Variants in IQCH observed in about 807,000 individuals in gnomAD.
IQCH encodes the protein IQ domain-containing protein H.
Under a neutral mutation model 117.0 loss-of-function variants are expected in IQCH, and 98 were observed. The observed-to-expected ratio is 0.84, with a 90% CI of 0.71 to 0.99. The LOEUF is 0.99. Ranked by LOEUF, IQCH falls within the 50% of genes least tolerant of loss-of-function variation. IQCH has a pLI of 0.00. For synonymous variants in IQCH, 412 were observed against 448.2 expected (o/e 0.92, Z 1.02); for missense variants, 1,102 against 1,243.8 (o/e 0.89, Z 1.72).
intron 4 of IQCH, among the ~76,000 whole-genome samples, chr15:67,311,853 G>A (rs186915262): frequency 6.6e-6 from 1 of 151,876 alleles, no homozygotes; most frequent in Non-Finnish European, 1.5e-5. Context: ...GAGCAAATCC[G>A]CTACTTAATT....
At position 67,261,261 on chromosome 15, in the gene IQCH, TA is replaced by T; in HGVS notation, c.52-10del. The T allele has an allele frequency of 6.7e-7, 1 of 1,499,814 alleles. No homozygotes were observed. The highest frequency in any genetic ancestry group is 1.3e-5 in the South Asian group (1 of 79,224). The allele number at this position is 1,499,814 out of a possible 1,614,324, so 92.9% of individuals were successfully genotyped here. A position where few individuals can be genotyped will look rare whatever the true frequency, so the allele number is the denominator to read the frequency against. On this transcript the variant is annotated splice_polypyrimidine_tract_variant and intron_variant, in intron 1 of 20. Coordinates refer to ENST00000335894, the MANE Select transcript of IQCH (RefSeq NM_001031715.3). ...GATTATTTCAATATTTTTCATTTTT[TA>T]TACCTATAGATCCATGAAGACCTTT...
At chr15:67,409,617 A>T (rs2081392224) in intron 14 of IQCH, among the ~76,000 whole-genome samples, 1 of 152,240 alleles carries the variant, frequency 6.6e-6, no homozygotes, top group East Asian at 1.9e-4. Flanking sequence ...CTACATAAGT[A>T]TGGAATTATA....
chr15:67,255,695 C>G (rs182687560), intron 1 of IQCH, among the ~76,000 whole-genome samples: 10 of 152,328 alleles, frequency 6.6e-5, no homozygotes, highest in East Asian at 3.9e-4. Flanking sequence ...TAAGGTCACT[C>G]TGTCAGGACT....
chr15:67,487,072 C>A (rs1044017427), intron 18 of IQCH, among the ~76,000 whole-genome samples: 2 of 152,234 alleles, frequency 1.3e-5, no homozygotes, highest in African/African-American at 4.8e-5. Flanking sequence ...GTGGCTCACG[C>A]CTGTAATCCC....
Position 67,465,076 on chromosome 15 carries a change from G to A in IQCH, c.2506-51G>A, listed in dbSNP as rs746702749. 3.0e-5 allele frequency: 48 copies of A among 1,586,830 alleles called. No homozygotes were observed. The highest frequency in any genetic ancestry group is 3.4e-5 in the Non-Finnish European group (40 of 1,161,996). On this transcript the variant is annotated intron_variant, in intron 16 of 20. Transcript: ENST00000335894. This position sits in a 1 kb window ranked among gnomAD's most constrained non-coding sequence, Gnocchi z 5.9. ...CTGGTTAGGCAGAGGTGGGGCCTTC[G>A]CTGCTGTTTGCTGATTTCACCCTCA...
intron 4 of IQCH, chr15:67,281,681 A>G (rs764674286): frequency 2.2e-6 from 1 of 454,212 alleles, no homozygotes; most frequent in South Asian, 1.6e-5. Flanking sequence ...GATTCTCTAC[A>G]GAAGCAAAAT....
intron 10 of IQCH, among the ~76,000 whole-genome samples, chr15:67,380,443 C>T (rs915229358): frequency 1.3e-5 from 2 of 152,124 alleles, no homozygotes; most frequent in South Asian, 2.1e-4. Flanking sequence ...TATAAATAAC[C>T]CAGATAGAGC....
chr15:67,261,386 G>C lies in IQCH; in HGVS notation c.166G>C (p.Gly56Arg), dbSNP rs1181504435. ...AACAGCAATCAAAAGGACTGAAGTG[G>C]GGTTAAGAGTAAGTAGAGCTTTAGA... ...LETAIKRTEV[G>R]LRIHIEKYLN... Residue 56 changes from glycine to arginine, a missense_variant, in exon 2 of 21, where the codon GGG (glycine) becomes CGG (arginine). Gly to Arg is a moderately radical substitution (Grantham distance 125). Around this residue, in one of 2 missense-constraint regions of IQCH, gnomAD observed 452 missense variants for 449.6 expected, o/e 1.01. Transcript: ENST00000335894. 6 of 1,586,628 alleles carry C rather than the reference G, an allele frequency of 3.8e-6. No homozygotes were observed. The highest frequency in any genetic ancestry group is 1.2e-5 in the South Asian group (1 of 85,584).
chr15:67,267,866 TA>T (rs1965740590), intron 3 of IQCH, among the ~76,000 whole-genome samples: 1 of 152,186 alleles, frequency 6.6e-6, no homozygotes, highest in Non-Finnish European at 1.5e-5. Context: ...TTAGAACAGA[TA>T]TGCAATAATG....
At chr15:67,332,182 C>T (rs1336314752) in intron 4 of IQCH, among the ~76,000 whole-genome samples, 3 of 152,042 alleles carry the variant, frequency 2.0e-5, no homozygotes, top group Non-Finnish European at 4.4e-5. Context: ...ACTGAGTCTA[C>T]AGGTAAAAAG....
rs746406442 is a variant in IQCH at position 67,365,799 on chromosome 15, G to A, written c.753+5914G>A. On this transcript the variant is annotated intron_variant, in intron 8 of 20. Transcript: ENST00000335894. This position sits in a 1 kb window ranked among gnomAD's most constrained non-coding sequence, Gnocchi z 4.4. ...ATAAAAGTTAGCCGGGTGTGGTGGCGCGTGCCTGTAATCCTGGCTGCTCAG... is the reference window on the plus strand; with the variant it reads ...ATAAAAGTTAGCCGGGTGTGGTGGCACGTGCCTGTAATCCTGGCTGCTCAG... 9.9e-5 allele frequency among the ~76,000 whole-genome samples: 15 copies of A among 152,234 alleles called. No individual in the cohort carries two copies. Among genetic ancestry groups the A allele is most frequent in the African/African-American group, 2.9e-4 (12 of 41,516 alleles).
Position 67,279,511 on chromosome 15 carries a change from A to C in IQCH, c.386A>C (p.Lys129Thr). ...TCTCTGCCTGTCTTTCCAAGAGCAA[A>C]GGTAGGTATAGAGAAATTCATAGAG... ...SSSLPVFPRA[K>T]IKVSKLIKGS... is the part of the protein sequence containing the mutation. The change falls in exon 4 of 21, where the codon AAG becomes ACG. Residue 129 changes from lysine (K) to threonine (T), a missense_variant and splice_region_variant. By Grantham distance (78) the Lys-to-Thr change is moderately conservative. Transcript: ENST00000335894. 1 of 1,556,986 alleles carries C rather than the reference A, an allele frequency of 6.4e-7. No homozygotes were observed. Among genetic ancestry groups the C allele is most frequent in the Non-Finnish European group, 8.8e-7 (1 of 1,135,774 alleles).
chr15:67,497,039 A>G (rs2083836099), intron 20 of IQCH, among the ~76,000 whole-genome samples: 1 of 151,460 alleles, frequency 6.6e-6, no homozygotes, highest in Admixed American at 6.6e-5. Flanking sequence ...AAAAAAAAAA[A>G]AAAAAAAAAG....
chr15:67,291,864 T>A (rs1966762798), intron 4 of IQCH, among the ~76,000 whole-genome samples: 1 of 152,222 alleles, frequency 6.6e-6, no homozygotes, highest in South Asian at 2.1e-4. Context: ...TTTGAAAATA[T>A]TTGTTTCCTT....
intron 4 of IQCH, among the ~76,000 whole-genome samples, chr15:67,289,432 G>A (rs1422092763): frequency 2.6e-5 from 4 of 152,032 alleles, no homozygotes; most frequent in African/African-American, 7.2e-5. Flanking sequence ...GAACTAACAC[G>A]ACTTGATCAT....
chr15:67,395,254 G>A lies in IQCH; in HGVS notation c.1633-37G>A, dbSNP rs1176032954. On this transcript the variant is annotated intron_variant, in intron 12 of 20. Transcript: ENST00000335894. This position sits in a 1 kb window ranked among gnomAD's most constrained non-coding sequence, Gnocchi z 4.0. ...ATTAGGTGTATGGACTAGAAAAAAG[G>A]ACACCTTTTAACAAGAATAATATGA... The A allele has an allele frequency of 1.9e-6, 3 of 1,586,712 alleles. No homozygotes were observed. The highest frequency in any genetic ancestry group is 2.3e-5 in the South Asian group (2 of 87,972).
rs2082955368 is a variant in IQCH at position 67,467,205 on chromosome 15, A to T, written c.2676+1908A>T. On this transcript the variant is annotated intron_variant, in intron 17 of 20. Coordinates refer to ENST00000335894, the MANE Select transcript of IQCH (RefSeq NM_001031715.3). The surrounding 1 kb of genome is among the most constrained non-coding windows in gnomAD (Gnocchi z 5.7). ...GCCATTGTACTCCAGCCTAGTTGAC[A>T]GAGTGAGACTCTGTCTCAAAAAATA... 1.3e-5 allele frequency among the ~76,000 whole-genome samples: 2 copies of T among 152,208 alleles called. No homozygotes were observed.
intron 4 of IQCH, among the ~76,000 whole-genome samples, chr15:67,329,157 G>T (rs1968545842): frequency 6.6e-6 from 1 of 152,068 alleles, no homozygotes; most frequent in Admixed American, 6.6e-5. Context: ...AAATTACCCA[G>T]GCCTGGTGGT....
Position 67,413,675 on chromosome 15 carries a change from C to T in IQCH, c.2098-3256C>T, listed in dbSNP as rs1041387544. On this transcript the variant is annotated intron_variant, in intron 14 of 20. Transcript: ENST00000335894. This position sits in a 1 kb window ranked among gnomAD's most constrained non-coding sequence, Gnocchi z 5.0. ...AGTTAATACCCCTCTCCTCTTACCT[C>T]GCATTATTCCTCTCCATGCCTTTTT... The T allele has an allele frequency of 1.3e-5, 2 of 152,184 alleles. No individual in the cohort carries two copies. The highest frequency in any genetic ancestry group is 4.8e-5 in the African/African-American group (2 of 41,436). The allele number at this position is 152,184 out of a possible 1,614,324, so 9.4% of individuals were successfully genotyped here. A position where few individuals can be genotyped will look rare whatever the true frequency, so the allele number is the denominator to read the frequency against.
Sources: allele counts gnomAD v4.1 joint callset (sites outside exome capture counted in the v4.1 genomes callset), GRCh38; gene constraint gnomAD v4.1.1; regional missense constraint gnomAD v4.1.1; non-coding constraint Gnocchi (gnomAD v3.1); transcripts MANE v1.5; gene names NCBI Gene and HGNC (gene_info 2026-07-23, HGNC 2026-07-21).